The following ALG14 variants were observed in gnomAD, a reference collection of about 807,000 sequenced individuals.
The protein encoded by ALG14 is UDP-N-acetylglucosamine transferase subunit ALG14.
ALG14 carries 17 observed loss-of-function variants against 22.8 expected under a neutral mutation model. The ratio of observed to expected loss-of-function variants is 0.75; its 90% CI spans 0.51 to 1.12. The LOEUF is 1.12. ALG14 is among the 50% of genes most tolerant of loss of function. The pLI, the probability that ALG14 is intolerant of heterozygous loss-of-function variation, is 0.00. For missense variants in ALG14, 288 were observed against 271.8 expected, an observed-to-expected ratio of 1.06 and a Z score of -0.42; for synonymous variants, 89 against 103.7, an observed-to-expected ratio of 0.86 and a Z score of 0.86.
rs141065009 is a variant in ALG14 at position 95,064,983 on chromosome 1, C to T, written c.171G>A (p.Gly57=). ...GHTTEILRLL[G]SLSNAYSPRH... is the part of the protein sequence containing the mutation. ...TAGGTGAGTAGGCATTGGACAAGCT[C>T]CCAAGCAGCCTCAGGATCTCAGTGG... The change falls in exon 2 of 4, where the codon GGG becomes GGA. Residue 57 remains glycine (G), a synonymous_variant. Coordinates refer to ENST00000370205, the MANE Select transcript of ALG14 (RefSeq NM_144988.4). 879 of 1,613,446 alleles carry T rather than the reference C, an allele frequency of 5.4e-4. 9 individuals are homozygous for T. In the East Asian group the frequency reaches 0.018, roughly 33 times the overall value.
chr1:95,001,716 G>C (rs1247135221), intron 3 of ALG14, among the ~76,000 whole-genome samples: 1 of 152,100 alleles, frequency 6.6e-6, no homozygotes, highest in Non-Finnish European at 1.5e-5. Context: ...GGCTGATCTC[G>C]AACTCCTGAC....
At position 95,064,851 on chromosome 1, in the gene ALG14, G is replaced by T; in HGVS notation, c.288+15C>A. On this transcript the variant is annotated intron_variant, in intron 2 of 3. Coordinates refer to ENST00000370205, the MANE Select transcript of ALG14 (RefSeq NM_144988.4). ...GCAACTTGTAATTTTCTTAGAAATA[G>T]AAATTGTCACTTACCATGTTACTAG... 3.7e-6 allele frequency: 6 copies of T among 1,600,056 alleles called. No homozygotes were observed. The highest frequency in any genetic ancestry group is 5.1e-6 in the Non-Finnish European group (6 of 1,171,120).
intron 2 of ALG14, among the ~76,000 whole-genome samples, chr1:95,036,419 C>CTTTTTTTTT (rs35068075): frequency 1.4e-5 from 1 of 71,860 alleles, no homozygotes. Context: ...AATTAAACCT[C>CTTTTTTTTT]TTTTTTTTTT....
Position 95,036,679 on chromosome 1 carries a change from G to A in ALG14, c.289-9419C>T, listed in dbSNP as rs899797105. Among the ~76,000 whole-genome samples the A allele has an allele frequency of 5.3e-5, 8 of 152,074 alleles. No individual in the cohort carries two copies. In the East Asian group the frequency reaches 1.6e-3, roughly 30 times the overall value. On this transcript the variant is annotated intron_variant, in intron 2 of 3. Transcript: ENST00000370205. ...TGATTTCAGGTGATCCGCCCACCTC[G>A]ACCTCCCAAAGTGCTGGGATTAAGG...
intron 3 of ALG14, among the ~76,000 whole-genome samples, chr1:95,009,456 A>C (rs2100747485): frequency 6.6e-6 from 1 of 152,274 alleles, no homozygotes. Flanking sequence ...AGCAACACAA[A>C]GAAGTCACAA....
intron 3 of ALG14, 55 bp from the exon 4 acceptor site, chr1:94,983,361 G>A (rs1672550278): frequency 2.1e-6 from 3 of 1,440,772 alleles, no homozygotes; most frequent in Non-Finnish European, 2.9e-6. Context: ...TCTAAGGGAG[G>A]CATTTTGCAT....
chr1:95,065,405 TC>T (rs1396561919), intron 1 of ALG14, among the ~76,000 whole-genome samples: 1 of 151,744 alleles, frequency 6.6e-6, no homozygotes, highest in African/African-American at 2.4e-5. Flanking sequence ...TTATGAAAAA[TC>T]AATGCCTTAA....
intron 2 of ALG14, among the ~76,000 whole-genome samples, chr1:95,063,738 T>C (rs1179034766): frequency 2.6e-5 from 4 of 152,226 alleles, no homozygotes; most frequent in Admixed American, 2.6e-4. Context: ...TTTGTTCTTT[T>C]TGCTTAGGAT....
chr1:94,999,144 A>G (rs1348981302), intron 3 of ALG14, among the ~76,000 whole-genome samples: 1 of 152,214 alleles, frequency 6.6e-6, no homozygotes, highest in South Asian at 2.1e-4. Context: ...AAAAACTATG[A>G]AACATCCTTA....
chr1:95,015,093 T>A (rs894465772), intron 3 of ALG14, among the ~76,000 whole-genome samples: 25 of 152,006 alleles, frequency 1.6e-4, no homozygotes, highest in African/African-American at 6.0e-4. Flanking sequence ...TGGGAGCAAG[T>A]CAGGGTAATA....
At chr1:95,042,891 T>G (rs113784508) in intron 2 of ALG14, among the ~76,000 whole-genome samples, 3 of 152,230 alleles carry the variant, frequency 2.0e-5, no homozygotes, top group African/African-American at 7.2e-5. Context: ...TTCTGAATAA[T>G]GGACTTGCAA....
chr1:95,058,707 C>T (rs993455895), intron 2 of ALG14, among the ~76,000 whole-genome samples: 5 of 130,872 alleles, frequency 3.8e-5, no homozygotes, highest in African/African-American at 1.5e-4. Context: ...AAAAAAAATA[C>T]TGAAGGAAAC....
At chr1:95,023,262 T>C (rs970112478) in intron 3 of ALG14, among the ~76,000 whole-genome samples, 1 of 152,154 alleles carries the variant, frequency 6.6e-6, no homozygotes, top group Non-Finnish European at 1.5e-5. Context: ...TAGCTGGGAT[T>C]ACAGGCACCC....
chr1:95,005,919 G>T (rs193132797), intron 3 of ALG14, among the ~76,000 whole-genome samples: 9 of 152,276 alleles, frequency 5.9e-5, no homozygotes, highest in African/African-American at 1.4e-4. Context: ...AATCTGTTTA[G>T]AACTGTTTGA....
At chr1:95,021,479 A>G (rs1673660412) in intron 3 of ALG14, among the ~76,000 whole-genome samples, 2 of 152,166 alleles carry the variant, frequency 1.3e-5, no homozygotes, top group Admixed American at 1.3e-4. Flanking sequence ...TACATATTCA[A>G]TTATCGGTGC....
At chr1:94,998,611 A>T (rs1201085148) in intron 3 of ALG14, among the ~76,000 whole-genome samples, 2 of 152,350 alleles carry the variant, frequency 1.3e-5, no homozygotes, top group East Asian at 3.9e-4. Flanking sequence ...CCTGAGCAGA[A>T]GGGCAGCACA....
At chr1:95,014,564 G>A (rs1216026750) in intron 3 of ALG14, among the ~76,000 whole-genome samples, 2 of 152,026 alleles carry the variant, frequency 1.3e-5, no homozygotes, top group Non-Finnish European at 2.9e-5. Context: ...CATTTCCCAT[G>A]GTGCCTAGCT....
rs542033979 is a variant in ALG14 at position 95,059,877 on chromosome 1, A to AT, written c.288+4988_288+4989insA. ...CTACTATACTGGACAGTGCAGGTCT[A>AT]GATTGTTAATTATACTTGGCTAATA... On this transcript the variant is annotated intron_variant, in intron 2 of 3. Coordinates refer to ENST00000370205, the MANE Select transcript of ALG14 (RefSeq NM_144988.4). Among the ~76,000 whole-genome samples the AT allele has an allele frequency of 2.6e-3, 389 of 152,128 alleles. 8 individuals are homozygous for AT. The highest frequency in any genetic ancestry group is 6.8e-3 in the Middle Eastern group (2 of 294).
intron 3 of ALG14, among the ~76,000 whole-genome samples, chr1:94,998,996 T>C (rs1180825495): frequency 6.6e-6 from 1 of 152,162 alleles, no homozygotes; most frequent in Non-Finnish European, 1.5e-5. Flanking sequence ...GTTAGGTGTC[T>C]AGAGGTGCTG....
Sources: gnomAD v4.1 joint callset for allele counts (sites outside exome capture counted in the v4.1 genomes callset) on GRCh38, gnomAD v4.1.1 for gene constraint, MANE v1.5 for transcripts, NCBI Gene and HGNC (gene_info 2026-07-23, HGNC 2026-07-21) for gene names.